MBD5: variants seen among roughly 807,000 people sequenced by gnomAD.
The protein encoded by MBD5 is methyl-CpG-binding domain protein 5.
MBD5 carries 13 observed loss-of-function variants against 117.3 expected under a neutral mutation model. The observed-to-expected ratio is 0.11, with a 90% CI of 0.07 to 0.18. The LOEUF is 0.18. Among genes scored for constraint, MBD5 ranks in the 10% least tolerant of loss-of-function variants. MBD5 has a pLI of 1.00. For synonymous variants in MBD5, 727 were observed against 766.4 expected, an observed-to-expected ratio of 0.95 and a Z score of 0.85; for missense variants, 1,879 against 2,093.8, an observed-to-expected ratio of 0.90 and a Z score of 2.00.
At chr2:148,255,084 G>A (rs184074594) in intron 3 of MBD5, among the ~76,000 whole-genome samples, 190 of 152,352 alleles carry the variant, frequency 1.2e-3, no homozygotes, top group African/African-American at 4.1e-3. Context: ...GGTCATCTCA[G>A]CATAGGTGTG....
intron 1 of MBD5, among the ~76,000 whole-genome samples, chr2:148,074,484 G>GGTTTTTTTTTGTTTTTTTTTTTGT (rs1695441485): frequency 8.1e-6 from 1 of 123,154 alleles, no homozygotes; most frequent in Non-Finnish European, 1.6e-5. Context: ...GGAATAGTTT[G>GGTTTTTTTTTGTTTTTTTTTTTGT]TTTTTTTTTT....
In MBD5 at chr2:148,485,765, A is replaced by G. The variant is rs114001127; in HGVS notation, c.3568A>G (p.Thr1190Ala). The part of the protein sequence containing the change: ...LLGDMSSINN[T>A]LSNHQLTHLQ... ...AGGTGATATGTCATCAATAAACAAT[A>G]CTTTGAGTAACCATCAACTGACTCA... The change falls in exon 10 of 14, where the codon ACT becomes GCT. Residue 1190 changes from threonine to alanine, a missense_variant. Physicochemically the swap from Thr to Ala is moderately conservative, Grantham distance 58. Transcript: ENST00000642680. 1 of 1,613,332 alleles carries G rather than the reference A, an allele frequency of 6.2e-7. No individual in the cohort carries two copies. Among genetic ancestry groups the G allele is most frequent in the Non-Finnish European group, 8.5e-7 (1 of 1,179,402 alleles).
chr2:148,353,335 G>A (rs556718030), intron 4 of MBD5, among the ~76,000 whole-genome samples: 1 of 152,216 alleles, frequency 6.6e-6, no homozygotes, highest in African/African-American at 2.4e-5. Flanking sequence ...ACATGCGCAT[G>A]GTTAAAATAA....
intron 2 of MBD5, among the ~76,000 whole-genome samples, chr2:148,208,532 C>G (rs754043707): frequency 6.6e-5 from 10 of 152,196 alleles, no homozygotes; most frequent in Non-Finnish European, 1.0e-4. Flanking sequence ...GCTGAGATTA[C>G]AGGTGTGAAC....
chr2:148,425,816 A>G (rs1705762268), intron 4 of MBD5, among the ~76,000 whole-genome samples: 1 of 152,204 alleles, frequency 6.6e-6, no homozygotes, highest in Non-Finnish European at 1.5e-5. Flanking sequence ...TGCAGAAAAG[A>G]CCTTTGATAA....
At chr2:148,318,345 G>C (rs1258449964) in intron 3 of MBD5, among the ~76,000 whole-genome samples, 1 of 151,492 alleles carries the variant, frequency 6.6e-6, no homozygotes, top group Non-Finnish European at 1.5e-5. Flanking sequence ...GCTCCTTGTA[G>C]ATTCTGGATG....
intron 3 of MBD5, among the ~76,000 whole-genome samples, chr2:148,312,459 T>C (rs1206241489): frequency 6.6e-6 from 1 of 152,210 alleles, no homozygotes; most frequent in Admixed American, 6.5e-5. Flanking sequence ...GATACTTGTG[T>C]ATACTTCATG....
chr2:148,167,789 T>G (rs7572357), intron 1 of MBD5, among the ~76,000 whole-genome samples: 140,470 of 152,158 alleles, frequency 0.92, 65,620 homozygotes, highest in East Asian at 1. Context: ...TCATTTTTTT[T>G]TTGAGCCAAA....
intron 3 of MBD5, among the ~76,000 whole-genome samples, chr2:148,337,373 A>G (rs2105105623): frequency 6.6e-6 from 1 of 152,312 alleles, no homozygotes; most frequent in African/African-American, 2.4e-5. Flanking sequence ...GGTTTTTATC[A>G]TGTAAGCTTT....
intron 4 of MBD5, among the ~76,000 whole-genome samples, chr2:148,355,070 C>A (rs1703343590): frequency 6.6e-6 from 1 of 151,898 alleles, no homozygotes; most frequent in African/African-American, 2.4e-5. Flanking sequence ...TAAATGTCTT[C>A]TTTTGAGAAG....
rs532980158 is a variant in MBD5 at position 148,431,744 on chromosome 2, A to G, written c.-556-26459A>G. Among the ~76,000 whole-genome samples, 7 of 152,252 alleles carry G rather than the reference A, an allele frequency of 4.6e-5. No homozygotes were observed. The South Asian group carries it at 1.2e-3, about 27-fold the overall frequency. On this transcript the variant is annotated intron_variant, in intron 4 of 13. Coordinates refer to ENST00000642680, the MANE Select transcript of MBD5 (RefSeq NM_001378120.1). ...CTTTTCTATGGCTTCATAGTATTCTATGGTGTATATGTGCCACATTTTCTT... is the reference window on the plus strand; with the variant it reads ...CTTTTCTATGGCTTCATAGTATTCTGTGGTGTATATGTGCCACATTTTCTT...
At chr2:148,250,009 C>A (rs115720704) in intron 3 of MBD5, among the ~76,000 whole-genome samples, 2,549 of 152,224 alleles carry the variant, frequency 0.017, 27 homozygotes, top group East Asian at 0.034. Flanking sequence ...TCTTATTATG[C>A]TTGTCTTCTG....
At position 148,502,960 on chromosome 2, in the gene MBD5, A is replaced by C. The variant is rs893408852; in HGVS notation, c.5036+451A>C. 1.6e-5 allele frequency: 3 copies of C among 186,974 alleles called. No homozygotes were observed. In the Admixed American group the frequency reaches 1.6e-4, roughly 10 times the overall value. 11.6% of individuals were successfully genotyped at this position (186,974 alleles called of 1,614,324 possible). A position where few individuals can be genotyped will look rare whatever the true frequency, so the allele number is the denominator to read the frequency against. On this transcript the variant is annotated intron_variant, in intron 12 of 13. Transcript: ENST00000642680. ...GCTAAATAAAGATTTTTTTTGTTGC[A>C]TCAGGGATGTGGACTTAAAAGTAAG...
At chr2:148,054,630 A>G (rs1288873034) in intron 1 of MBD5, 2 of 152,224 alleles carry the variant, frequency 1.3e-5, no homozygotes, top group East Asian at 1.9e-4. Context: ...GATCACTTTT[A>G]CAGTCATTTT....
intron 3 of MBD5, among the ~76,000 whole-genome samples, chr2:148,255,158 G>C (rs116357541): frequency 0.011 from 1,627 of 152,330 alleles, 28 homozygotes; most frequent in African/African-American, 0.037. Context: ...GCAGGCACAA[G>C]TACTAACAAA....
intron 3 of MBD5, among the ~76,000 whole-genome samples, chr2:148,331,630 T>A (rs1702658811): frequency 6.6e-6 from 1 of 152,154 alleles, no homozygotes; most frequent in South Asian, 2.1e-4. Context: ...AAGGCTGATA[T>A]TAAAAGTAGT....
At chr2:148,198,769 A>G (rs1299272254) in intron 2 of MBD5, among the ~76,000 whole-genome samples, 7 of 152,022 alleles carry the variant, frequency 4.6e-5, no homozygotes, top group African/African-American at 1.7e-4. Flanking sequence ...TTCTTCTATA[A>G]ATTATTCCAT....
Position 148,470,277 on chromosome 2 carries a change from C to T in MBD5, c.2334C>T (p.His778=), listed in dbSNP as rs776030462. Residue 778 remains histidine (H), a synonymous_variant, in exon 8 of 14, where the codon CAC becomes CAT. Transcript: ENST00000642680. ...FVHSNSPVPN[H]HLAGLINQIQ... The stretch of plus-strand genomic sequence containing the variant: ...ACAGTAACAGTCCAGTCCCCAACCA[C>T]CATCTTGCAGGTTTAATAAATCAGA... 4 of 1,613,870 alleles carry T rather than the reference C, an allele frequency of 2.5e-6. No homozygotes were observed.
intron 1 of MBD5, among the ~76,000 whole-genome samples, chr2:148,053,647 A>C (rs1200518297): frequency 6.6e-6 from 1 of 152,068 alleles, no homozygotes; most frequent in East Asian, 1.9e-4. Context: ...CACCATATGC[A>C]TTCTCTGGCT....
Sources: gnomAD v4.1 joint callset for allele counts (sites outside exome capture counted in the v4.1 genomes callset) on GRCh38, gnomAD v4.1.1 for gene constraint, MANE v1.5 for transcripts, NCBI Gene and HGNC (gene_info 2026-07-23, HGNC 2026-07-21) for gene names.